The following ARRDC5 variants were observed in gnomAD, a reference collection of about 807,000 sequenced individuals.
The protein encoded by ARRDC5 is arrestin domain-containing protein 5.
A neutral mutation model predicts 13.3 loss-of-function variants in ARRDC5; 12 were observed. The observed-to-expected ratio is 0.90, with a 90% CI of 0.58 to 1.46. ARRDC5 has a LOEUF of 1.46. Ranked by LOEUF, ARRDC5 falls within the 40% of genes most tolerant of loss-of-function variation. The pLI is 0.00. For synonymous variants in ARRDC5, 181 were observed against 173.4 expected (o/e 1.04, Z -0.34); for missense variants, 406 against 418.7 (o/e 0.97, Z 0.26).
chr19:4,906,443 C>T (rs996248806), upstream of ARRDC5, among the ~76,000 whole-genome samples: 5 of 152,182 alleles, frequency 3.3e-5, no homozygotes, highest in African/African-American at 9.7e-5. Context: ...CTGTGCCCCT[C>T]ACCACGTGTA....
intron 2 of ARRDC5, among the ~76,000 whole-genome samples, chr19:4,893,031 A>G (rs922875957): frequency 2.7e-5 from 4 of 149,178 alleles, no homozygotes; most frequent in Non-Finnish European, 4.4e-5. Flanking sequence ...GGAATCTGGG[A>G]GGTGGAGGTT....
At position 4,891,292 on chromosome 19, in the gene ARRDC5, G is replaced by A; in HGVS notation, c.741C>T (p.Arg247=). The change falls in exon 3 of 3, where the codon CGC becomes CGT. Residue 247 remains arginine, a synonymous_variant. Transcript: ENST00000650722. The part of the protein sequence containing the change: ...LRQEANTPVT[R]FNTTKVVSTF... The stretch of plus-strand genomic sequence containing the variant: ...TGCTGACAACCTTGGTGGTGTTGAA[G>A]CGGGTCACGGGGGTGTTGGCCTCCT... 6.2e-7 allele frequency: 1 copy of A among 1,613,976 alleles called. No homozygotes were observed. Among genetic ancestry groups the A allele is most frequent in the Non-Finnish European group, 8.5e-7 (1 of 1,179,896 alleles).
the ARRDC5 span, chr19:4,911,085 G>C: frequency 2.1e-6 from 3 of 1,460,806 alleles, no homozygotes; most frequent in East Asian, 5.0e-5. Context: ...TCCAGGCCTC[G>C]CGCCTCTGCA....
chr19:4,894,046 TA>T (rs34393455), intron 2 of ARRDC5, among the ~76,000 whole-genome samples: 64,979 of 120,994 alleles, frequency 0.54, 17,140 homozygotes, highest in African/African-American at 0.69. Flanking sequence ...AGACTCTGCC[TA>T]AAAAAAAAAA....
At chr19:4,895,379 C>A (rs1165416519) in intron 2 of ARRDC5, among the ~76,000 whole-genome samples, 1 of 135,872 alleles carries the variant, frequency 7.4e-6, no homozygotes, top group Non-Finnish European at 1.5e-5. Flanking sequence ...GCCAAGATTG[C>A]GCCACTGCAC....
rs764407364 is a variant in ARRDC5 at position 4,891,241 on chromosome 19, G to A, written c.792C>T (p.Ser264=). 15 of 1,613,708 alleles carry A rather than the reference G, an allele frequency of 9.3e-6. No individual in the cohort carries two copies. The highest frequency in any genetic ancestry group is 1.6e-4 in the Middle Eastern group (1 of 6,084). ...CACCGTCCTGCGTGCTGCTGCTCAC[G>A]GACAGCAGCAACGGCAGGTTGAAGG... The part of the protein sequence containing the change: ...VSTFNLPLLL[S]VSSSTQDGEI... Residue 264 remains serine (S), a synonymous_variant, in exon 3 of 3, where the codon TCC becomes TCT. Transcript: ENST00000650722.
chr19:4,909,595 A>G, the ARRDC5 span: 1 of 647,254 alleles, frequency 1.5e-6, no homozygotes, highest in South Asian at 1.6e-5. Flanking sequence ...ACGCGGTTTC[A>G]TCGCCATCCC....
At chr19:4,916,549 C>T in the ARRDC5 span, among the ~76,000 whole-genome samples, 11 of 152,238 alleles carry the variant, frequency 7.2e-5, no homozygotes, top group Admixed American at 2.0e-4. Context: ...CTGTCCTCAG[C>T]GGTGACCCGG....
At chr19:4,906,823 C>T (rs987320471), upstream of ARRDC5, among the ~76,000 whole-genome samples, 5 of 152,148 alleles carry the variant, frequency 3.3e-5, no homozygotes, top group African/African-American at 7.2e-5. Context: ...TTCGCAACAG[C>T]GCTACAAACA....
At chr19:4,900,871 T>C (rs1451296303) in intron 1 of ARRDC5, among the ~76,000 whole-genome samples, 2 of 151,864 alleles carry the variant, frequency 1.3e-5, no homozygotes, top group African/African-American at 4.8e-5. Flanking sequence ...AATACAAAAT[T>C]AGCTGGGAGT....
At position 4,896,738 on chromosome 19, in the gene ARRDC5, A is replaced by T; in HGVS notation, c.392T>A (p.Leu131Ter). The T allele has an allele frequency of 6.2e-7, 1 of 1,613,816 alleles. No individual in the cohort carries two copies. The highest frequency in any genetic ancestry group is 8.5e-7 in the Non-Finnish European group (1 of 1,179,778). The change falls in exon 2 of 3, where the codon TTA (leucine) becomes TAA (stop). Residue 131 changes from leucine (L) to a stop codon, truncating the protein, a stop_gained. Transcript: ENST00000650722. LOFTEE classifies it high-confidence loss of function. ...CAATAAGTACATCCTCTTCTTGGCT[A>T]AAATGTGTTCCCTGCCCATGCAGGA... ...QASCMGREHI[L>*]AKKRMYLLVQ... is the part of the protein sequence containing the mutation.
chr19:4,905,673 A>G (rs2032052140), upstream of ARRDC5, among the ~76,000 whole-genome samples: 4 of 151,624 alleles, frequency 2.6e-5, no homozygotes. Flanking sequence ...ACGTGCCACC[A>G]CATCTGGCTA....
At chr19:4,893,800 T>G (rs1037338804) in intron 2 of ARRDC5, among the ~76,000 whole-genome samples, 33 of 146,364 alleles carry the variant, frequency 2.3e-4, no homozygotes, top group African/African-American at 8.4e-4. Context: ...CCCAGCACTT[T>G]GGGAGGCCGA....
the ARRDC5 span, chr19:4,910,867 TC>T: frequency 6.3e-7 from 1 of 1,594,362 alleles, no homozygotes. Context: ...TTGCTGTCCC[TC>T]CCCTCAGCGC....
intron 1 of ARRDC5, among the ~76,000 whole-genome samples, chr19:4,902,239 T>G (rs2031945052): frequency 1.3e-5 from 2 of 152,264 alleles, no homozygotes; most frequent in South Asian, 4.1e-4. Flanking sequence ...CTTTGTCTCC[T>G]GGGGTTTTGC....
upstream of ARRDC5, among the ~76,000 whole-genome samples, chr19:4,906,346 C>A (rs567953401): frequency 6.6e-6 from 1 of 152,250 alleles, no homozygotes; most frequent in African/African-American, 2.4e-5. Context: ...CTGGAGCCCT[C>A]AATCAACAGT....
At chr19:4,915,489 G>A in the ARRDC5 span, among the ~76,000 whole-genome samples, 4 of 152,276 alleles carry the variant, frequency 2.6e-5, no homozygotes, top group East Asian at 3.9e-4. Context: ...CAAGGCAGGC[G>A]GATCACCTGA....
intron 2 of ARRDC5, among the ~76,000 whole-genome samples, chr19:4,894,336 C>A (rs2031626704): frequency 6.6e-6 from 1 of 150,700 alleles, no homozygotes. Flanking sequence ...ACGGTGAAAC[C>A]CCGTCTCTAC....
At chr19:4,904,499 G>C (rs956270068), upstream of ARRDC5, among the ~76,000 whole-genome samples, 3 of 152,034 alleles carry the variant, frequency 2.0e-5, no homozygotes, top group Non-Finnish European at 4.4e-5. Context: ...ATTTTTAGTA[G>C]AGACAGGGTT....
Sources: gnomAD v4.1 joint callset for allele counts (sites outside exome capture counted in the v4.1 genomes callset) on GRCh38, gnomAD v4.1.1 for gene constraint, MANE v1.5 for transcripts, NCBI Gene and HGNC (gene_info 2026-07-23, HGNC 2026-07-21) for gene names.